The following TMEM143 variants were observed in gnomAD, a reference collection of about 807,000 sequenced individuals.
The protein encoded by TMEM143 is transmembrane protein 143.
TMEM143 carries 45 observed loss-of-function variants against 40.3 expected under a neutral mutation model. That is an observed-to-expected ratio of 1.12 (90% CI 0.88 to 1.43). The LOEUF (loss-of-function observed/expected upper bound fraction) is 1.43. Ranked by LOEUF, TMEM143 falls within the 40% of genes most tolerant of loss-of-function variation. The pLI, the probability that TMEM143 is intolerant of heterozygous loss-of-function variation, is 0.00. For synonymous variants in TMEM143, 299 were observed against 282.7 expected (o/e 1.06, Z -0.58); for missense variants, 620 against 613.4 (o/e 1.01, Z -0.11).
In TMEM143 at chr19:48,357,466, G is replaced by A. The variant is rs138539554; in HGVS notation, c.369+2606C>T. ...CCTCCCGGGTTCACGTCATTCTCCTGCCTCAGCCTCCCGAGTAGCTGGGAC... is the reference window on the plus strand; with the variant it reads ...CCTCCCGGGTTCACGTCATTCTCCTACCTCAGCCTCCCGAGTAGCTGGGAC... On this transcript the variant is annotated intron_variant, in intron 3 of 7. Coordinates refer to ENST00000293261, the MANE Select transcript of TMEM143 (RefSeq NM_018273.4). Among the ~76,000 whole-genome samples, 711 of 148,054 alleles carry A rather than the reference G, an allele frequency of 4.8e-3. 5 individuals carry two copies. The highest frequency in any genetic ancestry group is 0.017 in the African/African-American group (680 of 39,866).
At chr19:48,349,600 G>C (rs1185436069) in intron 3 of TMEM143, among the ~76,000 whole-genome samples, 1 of 151,438 alleles carries the variant, frequency 6.6e-6, no homozygotes, top group African/African-American at 2.4e-5. Context: ...AGCTGAGATC[G>C]CACCAACTGC....
rs370580128 is a variant in TMEM143, at chr19:48,363,337, C to A, written c.218G>T (p.Arg73Leu). ...PRDWAQQYRE[R>L]FIPFSKEQLL... Reference sequence around the variant, plus strand: ...CTGCTCCTTGGAGAAGGGAATGAAGCGCTCGCGGTACTGCTGGGCCCAGTC... The same window carrying A: ...CTGCTCCTTGGAGAAGGGAATGAAGAGCTCGCGGTACTGCTGGGCCCAGTC... The change falls in exon 2 of 8, where the codon CGC (arginine) becomes CTC (leucine). Residue 73 changes from arginine (R) to leucine (L), a missense_variant. Arg to Leu is a moderately radical substitution (Grantham distance 102, BLOSUM62 -2). Coordinates refer to ENST00000293261, the MANE Select transcript of TMEM143 (RefSeq NM_018273.4). 1.4e-5 allele frequency: 22 copies of A among 1,614,092 alleles called. No individual in the cohort carries two copies. Among genetic ancestry groups the A allele is most frequent in the Admixed American group, 3.3e-5 (2 of 59,996 alleles).
In TMEM143 at chr19:48,345,368, C is replaced by A. The variant is rs1225564393; in HGVS notation, c.370-14G>T. 3 of 1,513,244 alleles carry A rather than the reference C, an allele frequency of 2.0e-6. No individual in the cohort carries two copies. The highest frequency in any genetic ancestry group is 2.3e-5 in the Admixed American group (1 of 43,948). 93.7% of individuals were successfully genotyped at this position (1,513,244 alleles called of 1,614,324 possible). A position where few individuals can be genotyped will look rare whatever the true frequency, so the allele number is the denominator to read the frequency against. ...GTCATATAAGGCCTAAGAGGAGAGT[C>A]AGAGAGAAAAAGATGGGATAGGTCT... On this transcript the variant is annotated splice_polypyrimidine_tract_variant and intron_variant, in intron 3 of 7. Transcript: ENST00000293261.
intron 6 of TMEM143, among the ~76,000 whole-genome samples, chr19:48,335,791 G>A (rs1260086610): frequency 1.3e-5 from 2 of 152,144 alleles, no homozygotes; most frequent in Non-Finnish European, 2.9e-5. Flanking sequence ...CTACTCATGA[G>A]GCTGAAGCAG....
At chr19:48,346,359 G>C (rs1164743077) in intron 3 of TMEM143, among the ~76,000 whole-genome samples, 5 of 151,990 alleles carry the variant, frequency 3.3e-5, no homozygotes, top group South Asian at 4.2e-4. Context: ...CCCAAAGTGA[G>C]ATTACAGACA....
chr19:48,334,080 G>A lies in TMEM143; in HGVS notation c.1093C>T (p.His365Tyr). ...TGAGCCAGCAGCGCCTCCTTGGTGT[G>A]CTCGTCCTGCGCGCGCAGGGCCAGG... ...SALALRAQDE[H>Y]TKEALLAHSF... The change falls in exon 7 of 8, where the codon CAC becomes TAC. Residue 365 changes from histidine (H) to tyrosine (Y), a missense_variant. Transcript: ENST00000293261. 1 of 1,587,848 alleles carries A rather than the reference G, an allele frequency of 6.3e-7. No individual in the cohort carries two copies.
In TMEM143 at chr19:48,332,973, AGAAATG is replaced by A; in HGVS notation, c.*240_*245del. 1 of 356,598 alleles carries A rather than the reference AGAAATG, an allele frequency of 2.8e-6. No homozygotes were observed. The highest frequency in any genetic ancestry group is 5.0e-6 in the Non-Finnish European group (1 of 198,062). The allele number at this position is 356,598 out of a possible 1,614,324, so 22.1% of individuals were successfully genotyped here. A position where few individuals can be genotyped will look rare whatever the true frequency, so the allele number is the denominator to read the frequency against. On this transcript the variant is annotated 3_prime_UTR_variant, in exon 8 of 8. Coordinates refer to ENST00000293261, the MANE Select transcript of TMEM143 (RefSeq NM_018273.4). ...GATGTTTATGGTGAGGGTGGGACTAAGAAATGGAACAGAAGCAGAGCTAAATCGCTT... is the reference window on the plus strand; with the variant it reads ...GATGTTTATGGTGAGGGTGGGACTAAGAACAGAAGCAGAGCTAAATCGCTT...
At chr19:48,348,993 C>T (rs1969706658) in intron 3 of TMEM143, among the ~76,000 whole-genome samples, 1 of 151,728 alleles carries the variant, frequency 6.6e-6, no homozygotes, top group African/African-American at 2.4e-5. Context: ...CTGGGCAACA[C>T]AGCAAGATCC....
chr19:48,347,263 G>T (rs577218142), intron 3 of TMEM143, among the ~76,000 whole-genome samples: 2 of 152,206 alleles, frequency 1.3e-5, no homozygotes, highest in South Asian at 2.1e-4. Context: ...TGGGAGCAGG[G>T]GTCCTATGAA....
intron 2 of TMEM143, 82 bp from the exon 3 acceptor site, chr19:48,360,258 TAC>T: frequency 7.4e-7 from 1 of 1,360,434 alleles, no homozygotes; most frequent in Non-Finnish European, 1.0e-6. Context: ...GCTGCCTAAC[TAC>T]ACAATCAGAG....
chr19:48,338,260 G>A (rs899594305), intron 6 of TMEM143, among the ~76,000 whole-genome samples: 7 of 151,968 alleles, frequency 4.6e-5, no homozygotes, highest in South Asian at 2.1e-4. Flanking sequence ...CTTTATCCCC[G>A]CCTGCATCAC....
chr19:48,338,778 G>T (rs953421472), intron 6 of TMEM143, among the ~76,000 whole-genome samples: 2 of 152,090 alleles, frequency 1.3e-5, no homozygotes, highest in Non-Finnish European at 2.9e-5. Context: ...CTTGGTGCTG[G>T]GCTAAGGGGC....
In TMEM143 at chr19:48,357,627, A is replaced by G. The variant is rs192610027; in HGVS notation, c.369+2445T>C. Reference sequence around the variant, plus strand: ...TGCCTTGTCCTCCCAAAGTGCTGGGATTACAGGCATGAGCCACCACGCCCG... The same window carrying G: ...TGCCTTGTCCTCCCAAAGTGCTGGGGTTACAGGCATGAGCCACCACGCCCG... On this transcript the variant is annotated intron_variant, in intron 3 of 7. Transcript: ENST00000293261. Among the ~76,000 whole-genome samples the G allele has an allele frequency of 1.9e-3, 296 of 152,168 alleles. 1 individual carries two copies. The highest frequency in any genetic ancestry group is 6.4e-3 in the African/African-American group (267 of 41,504).
chr19:48,340,121 A>ATTTTTTTTTT (rs11369636), intron 6 of TMEM143, among the ~76,000 whole-genome samples: 1 of 98,572 alleles, frequency 1.0e-5, no homozygotes, highest in Non-Finnish European at 1.9e-5. Flanking sequence ...GTCAACTGGG[A>ATTTTTTTTTT]TTTTTTTTTT....
At chr19:48,362,031 T>C (rs1970052280) in intron 2 of TMEM143, among the ~76,000 whole-genome samples, 1 of 152,220 alleles carries the variant, frequency 6.6e-6, no homozygotes, top group African/African-American at 2.4e-5. Flanking sequence ...TGTGTATATT[T>C]GTGTACTTTT....
intron 4 of TMEM143, among the ~76,000 whole-genome samples, chr19:48,344,031 C>T (rs1202881776): frequency 6.6e-6 from 1 of 151,900 alleles, no homozygotes; most frequent in Non-Finnish European, 1.5e-5. Flanking sequence ...GGACTACAGG[C>T]ACCCGCCACC....
chr19:48,347,747 G>A (rs1311304454), intron 3 of TMEM143, among the ~76,000 whole-genome samples: 1 of 151,532 alleles, frequency 6.6e-6, no homozygotes, highest in East Asian at 2.0e-4. Context: ...TAGTAGAGAC[G>A]GGGTTTCACC....
At position 48,363,556 on chromosome 19, in the gene TMEM143, G is replaced by A. The variant is rs192784480; in HGVS notation, c.24-25C>T. 1.9e-4 allele frequency: 307 copies of A among 1,576,624 alleles called. 1 individual carries two copies. In the African/African-American group the frequency reaches 3.5e-3, roughly 18 times the overall value. ...CCTAAACAGAGGAAAATGGGCAGGG[G>A]TCAAAGGCCATCTAGAGGAAAAGCG... On this transcript the variant is annotated intron_variant, in intron 1 of 7. Transcript: ENST00000293261.
intron 6 of TMEM143, among the ~76,000 whole-genome samples, chr19:48,336,180 G>A (rs906011964): frequency 3.9e-5 from 6 of 152,020 alleles, no homozygotes; most frequent in African/African-American, 7.2e-5. Context: ...TTAGGAGTTC[G>A]AGACCAACCT....
Sources: allele counts gnomAD v4.1 joint callset (sites outside exome capture counted in the v4.1 genomes callset), GRCh38; gene constraint gnomAD v4.1.1; transcripts MANE v1.5; gene names NCBI Gene and HGNC (gene_info 2026-07-23, HGNC 2026-07-21).